Variants in PRKN observed in about 807,000 individuals in gnomAD.
The protein encoded by PRKN is E3 ubiquitin-protein ligase parkin.
In PRKN, 56 loss-of-function variants were observed where a neutral mutation model predicts 59.5. The ratio of observed to expected loss-of-function variants is 0.94; its 90% CI spans 0.76 to 1.18. PRKN has a LOEUF of 1.18. PRKN is among the 50% of genes most tolerant of loss of function. The pLI is 0.00. For missense variants in PRKN, 657 were observed against 596.4 expected, an observed-to-expected ratio of 1.10 and a Z score of -1.06; for synonymous variants, 250 against 222.1, an observed-to-expected ratio of 1.13 and a Z score of -1.12.
At position 161,483,862 on chromosome 6, in the gene PRKN, C is replaced by A. The variant is rs1025456717; in HGVS notation, c.1083+64992G>T. ...TATGCAACCATAAAAAGGAACAAGA[C>A]CATATCCTTTGCAGGGACATGGATG... On this transcript the variant is annotated intron_variant, in intron 9 of 11. Transcript: ENST00000366898. The surrounding 1 kb of genome is among the most constrained non-coding windows in gnomAD (Gnocchi z 5.0). Among the ~76,000 whole-genome samples the A allele has an allele frequency of 1.3e-5, 2 of 152,164 alleles. No individual in the cohort carries two copies. Among genetic ancestry groups the A allele is most frequent in the Non-Finnish European group, 2.9e-5 (2 of 68,030 alleles).
At chr6:162,163,481 T>C (rs954597774) in intron 4 of PRKN, among the ~76,000 whole-genome samples, 8 of 149,370 alleles carry the variant, frequency 5.4e-5, no homozygotes, top group Non-Finnish European at 1.5e-5. Context: ...AAGATTATAA[T>C]GTGTGCTCTG....
At chr6:162,686,921 TTACAG>T (rs1777579982) in intron 1 of PRKN, among the ~76,000 whole-genome samples, 1 of 152,218 alleles carries the variant, frequency 6.6e-6, no homozygotes, top group African/African-American at 2.4e-5. Flanking sequence ...TACTGTAGTC[TTACAG>T]TATAGTTCGA....
At chr6:161,788,759 T>A (rs962111890) in intron 6 of PRKN, among the ~76,000 whole-genome samples, 1 of 152,192 alleles carries the variant, frequency 6.6e-6, no homozygotes, top group Non-Finnish European at 1.5e-5. Context: ...GTTGTGTGTG[T>A]TTCTGCATGT....
At position 161,397,280 on chromosome 6, in the gene PRKN, G is replaced by A. The variant is rs1786806471; in HGVS notation, c.1084-10403C>T. ...CAAGTAGCTTACAGCTAAGGTGGATGTTTATAAAGCATAAAAGAGCTGAAG... is the reference window on the plus strand; with the variant it reads ...CAAGTAGCTTACAGCTAAGGTGGATATTTATAAAGCATAAAAGAGCTGAAG... On this transcript the variant is annotated intron_variant, in intron 9 of 11. Coordinates refer to ENST00000366898, the MANE Select transcript of PRKN (RefSeq NM_004562.3). The surrounding 1 kb of genome is among the most constrained non-coding windows in gnomAD (Gnocchi z 4.2). 6.6e-6 allele frequency among the ~76,000 whole-genome samples: 1 copy of A among 152,182 alleles called. No homozygotes were observed. The highest frequency in any genetic ancestry group is 6.5e-5 in the Admixed American group (1 of 15,284).
At position 161,458,851 on chromosome 6, in the gene PRKN, G is replaced by A. The variant is rs754604552; in HGVS notation, c.1084-71974C>T. ...ATTTTTAGGAAAGTGAAGAGCATAT[G>A]GTCACTATGACTTGCTAGTATCCTT... On this transcript the variant is annotated intron_variant, in intron 9 of 11. Transcript: ENST00000366898. This position sits in a 1 kb window ranked among gnomAD's most constrained non-coding sequence, Gnocchi z 6.1. 2.4e-4 allele frequency among the ~76,000 whole-genome samples: 36 copies of A among 151,996 alleles called. No individual in the cohort carries two copies. Among genetic ancestry groups the A allele is most frequent in the Non-Finnish European group, 4.1e-4 (28 of 67,990 alleles).
At chr6:162,336,708 T>C (rs575515724) in intron 2 of PRKN, among the ~76,000 whole-genome samples, 1 of 152,316 alleles carries the variant, frequency 6.6e-6, no homozygotes, top group African/African-American at 2.4e-5. Context: ...CACATCAGAA[T>C]ACTTTCCATA....
chr6:162,302,424 G>A (rs1782003146), intron 2 of PRKN, among the ~76,000 whole-genome samples: 1 of 152,150 alleles, frequency 6.6e-6, no homozygotes, highest in African/African-American at 2.4e-5. Context: ...TCATCCTGGT[G>A]AAGGAGACTT....
At chr6:162,553,253 G>C (rs968876801) in intron 1 of PRKN, among the ~76,000 whole-genome samples, 17 of 152,148 alleles carry the variant, frequency 1.1e-4, no homozygotes, top group African/African-American at 4.1e-4. Context: ...TTGCATCTAA[G>C]AGGAGAAAGG....
intron 7 of PRKN, among the ~76,000 whole-genome samples, chr6:161,780,961 C>G (rs1190012785): frequency 1.3e-5 from 2 of 152,166 alleles, no homozygotes; most frequent in African/African-American, 2.4e-5. Context: ...ATAACACATG[C>G]TAAACAATCT....
rs55714271 is a variant in PRKN at position 161,897,966 on chromosome 6, C to CAAAAAAAAAAAAAAAAAA, written c.734+75318_734+75335dup. On this transcript the variant is annotated intron_variant, in intron 6 of 11. Transcript: ENST00000366898. Reference sequence around the variant, plus strand: ...TGGGTGACAGAGCGAGACTCCGTCTCAAAAAAAAAAAAAAAAAAGTCTCCC... The same window carrying CAAAAAAAAAAAAAAAAAA: ...TGGGTGACAGAGCGAGACTCCGTCTCAAAAAAAAAAAAAAAAAAAAAAAAAAAAAAAAAAAAGTCTCCC... Among the ~76,000 whole-genome samples the CAAAAAAAAAAAAAAAAAA allele has an allele frequency of 2.1e-4, 8 of 38,294 alleles. 1 individual carries two copies. The highest frequency in any genetic ancestry group is 1.1e-3 in the South Asian group (1 of 902). 25.1% of individuals were successfully genotyped at this position (38,294 alleles called of 152,430 possible).
Position 161,533,609 on chromosome 6 carries a change from C to T in PRKN, c.1083+15245G>A, listed in dbSNP as rs1022396349. ...CAGCCTTCTTCGCGTGCTAAGTAAA[C>T]GTCACACCTGGTCAAACCAATCTGT... On this transcript the variant is annotated intron_variant, in intron 9 of 11. Transcript: ENST00000366898. This position sits in a 1 kb window ranked among gnomAD's most constrained non-coding sequence, Gnocchi z 4.1. Among the ~76,000 whole-genome samples the T allele has an allele frequency of 9.2e-5, 14 of 152,250 alleles. No homozygotes were observed. Among genetic ancestry groups the T allele is most frequent in the African/African-American group, 3.1e-4 (13 of 41,550 alleles).
At chr6:162,077,441 T>G (rs1362372894) in intron 4 of PRKN, among the ~76,000 whole-genome samples, 1 of 152,112 alleles carries the variant, frequency 6.6e-6, no homozygotes, top group African/African-American at 2.4e-5. Context: ...ATGACTGCAC[T>G]TCTACTGCCC....
intron 1 of PRKN, among the ~76,000 whole-genome samples, chr6:162,536,445 A>G (rs1778723420): frequency 6.6e-6 from 1 of 152,116 alleles, no homozygotes; most frequent in African/African-American, 2.4e-5. Context: ...GCTCTGAGTT[A>G]TGTATTAAGG....
chr6:162,057,363 C>T (rs923392968), intron 4 of PRKN, among the ~76,000 whole-genome samples: 6 of 152,138 alleles, frequency 3.9e-5, no homozygotes, highest in African/African-American at 1.4e-4. Flanking sequence ...AATGTGAGGA[C>T]TTGGAAGGCA....
At position 162,127,407 on chromosome 6, in the gene PRKN, C is replaced by T. The variant is rs139195224; in HGVS notation, c.535-73233G>A. Among the ~76,000 whole-genome samples, 273 of 152,234 alleles carry T rather than the reference C, an allele frequency of 1.8e-3. 4 individuals carry two copies. The highest frequency in any genetic ancestry group is 6.2e-3 in the African/African-American group (259 of 41,546). ...GAGAAAGATGAGTTAAAAATGCAAACCAAAGGAAACTTAAAGACCCAAAGG... is the reference window on the plus strand; with the variant it reads ...GAGAAAGATGAGTTAAAAATGCAAATCAAAGGAAACTTAAAGACCCAAAGG... On this transcript the variant is annotated intron_variant, in intron 4 of 11. Transcript: ENST00000366898.
At chr6:162,054,301 T>C in intron 4 of PRKN, 127 bp from the exon 5 acceptor site, 2 of 742,934 alleles carry the variant, frequency 2.7e-6, no homozygotes, top group Non-Finnish European at 4.8e-6. Context: ...TTTCAAAGTG[T>C]GGTCTGCAGA....
At chr6:162,053,965 C>T in intron 5 of PRKN, 126 bp downstream of exon 5, 1 of 784,320 alleles carries the variant, frequency 1.3e-6, no homozygotes, top group Non-Finnish European at 2.3e-6. Context: ...AATATCATAA[C>T]ACTTTTGGCA....
At chr6:162,021,136 ATATATATATATATATATATATATAT>A in intron 5 of PRKN, among the ~76,000 whole-genome samples, 1 of 10,254 alleles carries the variant, frequency 9.8e-5, no homozygotes, top group South Asian at 3.5e-3. Flanking sequence ...ATATATATAT[ATATATATATATATATATATATATAT>A]ATATAAAATA....
intron 11 of PRKN, among the ~76,000 whole-genome samples, chr6:161,358,443 C>T (rs1321952485): frequency 3.3e-5 from 5 of 152,102 alleles, no homozygotes; most frequent in Admixed American, 1.3e-4. Context: ...AGTGAAATCC[C>T]GTCTCTACTA....
Sources: gnomAD v4.1 joint callset for allele counts (sites outside exome capture counted in the v4.1 genomes callset) on GRCh38, gnomAD v4.1.1 for gene constraint, Gnocchi (gnomAD v3.1) non-coding constraint, MANE v1.5 for transcripts, NCBI Gene and HGNC (gene_info 2026-07-23, HGNC 2026-07-21) for gene names.